NCEH1: variants seen among roughly 807,000 people sequenced by gnomAD.
NCEH1 encodes the protein 2-acetyl MAGE hydrolase.
In NCEH1, 9 loss-of-function variants were observed where a neutral mutation model predicts 25.4. That is an observed-to-expected ratio of 0.35 (90% CI 0.21 to 0.62). NCEH1 has a LOEUF of 0.62. Among genes scored for constraint, NCEH1 ranks in the 20% least tolerant of loss-of-function variants. NCEH1 has a pLI of 0.72. For synonymous variants in NCEH1, 200 were observed against 199.8 expected (o/e 1.00, Z -0.01); for missense variants, 412 against 501.1 (o/e 0.82, Z 1.70).
At chr3:172,678,544 T>C (rs1335332435) in intron 1 of NCEH1, among the ~76,000 whole-genome samples, 1 of 152,242 alleles carries the variant, frequency 6.6e-6, no homozygotes, top group Non-Finnish European at 1.5e-5. Context: ...TTGTTTAATG[T>C]CTAACAAAGT....
intron 1 of NCEH1, among the ~76,000 whole-genome samples, chr3:172,703,399 G>A (rs1040541757): frequency 6.6e-6 from 1 of 151,582 alleles, no homozygotes; most frequent in Non-Finnish European, 1.5e-5. Flanking sequence ...ATCATGGCGG[G>A]GGCCTGTAAT....
At chr3:172,697,833 TCCTTTCCTATAAA>T (rs1713456326) in intron 1 of NCEH1, among the ~76,000 whole-genome samples, 1 of 152,240 alleles carries the variant, frequency 6.6e-6, no homozygotes, top group Non-Finnish European at 1.5e-5. Context: ...AGCCTCTATT[TCCTTTCCTATAAA>T]ATGAGAGCAT....
intron 1 of NCEH1, among the ~76,000 whole-genome samples, chr3:172,653,744 G>GTTTTTTTTTTTT (rs796835886): frequency 8.4e-5 from 8 of 95,674 alleles, no homozygotes; most frequent in African/African-American, 2.1e-4. Flanking sequence ...TGTTTTTTTT[G>GTTTTTTTTTTTT]TTTTTTTGTT....
intron 1 of NCEH1, among the ~76,000 whole-genome samples, chr3:172,704,528 A>G (rs1713872915): frequency 6.6e-6 from 1 of 152,156 alleles, no homozygotes; most frequent in Non-Finnish European, 1.5e-5. Flanking sequence ...AAGCTTCTCA[A>G]GTTTAGGTTT....
chr3:172,665,277 G>T (rs1468443747), intron 1 of NCEH1, among the ~76,000 whole-genome samples: 1 of 152,196 alleles, frequency 6.6e-6, no homozygotes, highest in African/African-American at 2.4e-5. Context: ...GTTTGCCTGG[G>T]TATCACCAGC....
intron 1 of NCEH1, among the ~76,000 whole-genome samples, chr3:172,694,618 G>GA (rs1312102688): frequency 6.6e-6 from 1 of 152,194 alleles, no homozygotes; most frequent in Non-Finnish European, 1.5e-5. Flanking sequence ...TTGAGACTTT[G>GA]AATGGAAAGG....
chr3:172,641,548 T>C (rs1304154642), intron 3 of NCEH1, among the ~76,000 whole-genome samples: 1 of 152,204 alleles, frequency 6.6e-6, no homozygotes, highest in Non-Finnish European at 1.5e-5. Flanking sequence ...AGCAAAGCCA[T>C]GACGCCACTA....
Position 172,633,273 on chromosome 3 carries a change from T to C in NCEH1, c.*202A>G, listed in dbSNP as rs1716446678. The C allele has an allele frequency of 3.4e-6, 2 of 587,638 alleles. No homozygotes were observed. The highest frequency in any genetic ancestry group is 4.4e-5 in the South Asian group (2 of 45,924). The allele number at this position is 587,638 out of a possible 1,614,324, so 36.4% of individuals were successfully genotyped here. ...AGATTGGCCCACTCTGGGAACCAAA[T>C]TTACATGTTTTGCACTTAAGTTAGT... On this transcript the variant is annotated 3_prime_UTR_variant, in exon 5 of 5. Coordinates refer to ENST00000475381, the MANE Select transcript of NCEH1 (RefSeq NM_020792.6).
intron 1 of NCEH1, among the ~76,000 whole-genome samples, chr3:172,709,132 G>C (rs1419222627): frequency 1.3e-5 from 2 of 152,194 alleles, no homozygotes; most frequent in Non-Finnish European, 2.9e-5. Flanking sequence ...ACTCTGTGGA[G>C]GACCTTACAC....
rs147933595 is a variant in NCEH1 at position 172,676,013 on chromosome 3, C to T, written c.139-27899G>A. 2.8e-3 allele frequency among the ~76,000 whole-genome samples: 432 copies of T among 152,268 alleles called. 3 individuals carry two copies. Among genetic ancestry groups the T allele is most frequent in the African/African-American group, 9.5e-3 (395 of 41,540 alleles). On this transcript the variant is annotated intron_variant, in intron 1 of 4. Transcript: ENST00000475381. Reference sequence around the variant, plus strand: ...ATGGACACGCCATTCTTCCAAGAATCCTTAAATCAACCTCAGGAGAAGGCC... The same window carrying T: ...ATGGACACGCCATTCTTCCAAGAATTCTTAAATCAACCTCAGGAGAAGGCC...
chr3:172,659,581 G>A (rs953743201), intron 1 of NCEH1, among the ~76,000 whole-genome samples: 7 of 152,150 alleles, frequency 4.6e-5, no homozygotes, highest in Non-Finnish European at 7.4e-5. Flanking sequence ...AAAAACCTGT[G>A]TCTGCACACA....
At chr3:172,677,048 G>A (rs1294514832) in intron 1 of NCEH1, among the ~76,000 whole-genome samples, 1 of 152,152 alleles carries the variant, frequency 6.6e-6, no homozygotes, top group Non-Finnish European at 1.5e-5. Flanking sequence ...CAGGACAGCA[G>A]CATTTGTTTT....
intron 1 of NCEH1, among the ~76,000 whole-genome samples, chr3:172,657,944 A>C (rs143629630): frequency 7.6e-4 from 116 of 152,296 alleles, no homozygotes; most frequent in African/African-American, 2.7e-3. Flanking sequence ...AGTTTGTCAG[A>C]GGTATGTGAC....
intron 1 of NCEH1, among the ~76,000 whole-genome samples, chr3:172,688,128 A>G (rs1054846449): frequency 6.6e-6 from 1 of 152,070 alleles, no homozygotes; most frequent in African/African-American, 2.4e-5. Context: ...TGAGGTCAGG[A>G]GTTCGTGACC....
chr3:172,644,515 C>CTAT (rs1717024691), intron 3 of NCEH1, among the ~76,000 whole-genome samples: 1 of 152,210 alleles, frequency 6.6e-6, no homozygotes, highest in Admixed American at 6.5e-5. Flanking sequence ...TGGCTTGAAA[C>CTAT]TGGATCAAAA....
intron 1 of NCEH1, among the ~76,000 whole-genome samples, chr3:172,656,529 G>A (rs1226151793): frequency 6.6e-6 from 1 of 152,184 alleles, no homozygotes; most frequent in Non-Finnish European, 1.5e-5. Context: ...CACTTTGGGA[G>A]GCCGAGGCAG....
chr3:172,653,403 A>T (rs1359705439), intron 1 of NCEH1, among the ~76,000 whole-genome samples: 2 of 152,228 alleles, frequency 1.3e-5, no homozygotes, highest in Non-Finnish European at 2.9e-5. Context: ...TCAACATAGA[A>T]ATTATGAAGT....
rs151268993 is a variant in NCEH1 at position 172,678,344 on chromosome 3, C to A, written c.139-30230G>T. Among the ~76,000 whole-genome samples, 27 of 152,306 alleles carry A rather than the reference C, an allele frequency of 1.8e-4. No individual in the cohort carries two copies. The East Asian group carries it at 5.0e-3, about 28-fold the overall frequency. ...CTCCTTGGCCTGAGGCATTACAAGA[C>A]AGGATGGCCTGCCAGTTCCAGAGGC... is the stretch of plus-strand genomic sequence containing the variant. On this transcript the variant is annotated intron_variant, in intron 1 of 4. Transcript: ENST00000475381.
At chr3:172,684,981 C>G (rs1403933761) in intron 1 of NCEH1, among the ~76,000 whole-genome samples, 1 of 145,560 alleles carries the variant, frequency 6.9e-6, no homozygotes, top group South Asian at 2.2e-4. Flanking sequence ...CTCCATCCCC[C>G]ACTCCCATCC....
Sources: allele counts gnomAD v4.1 joint callset (sites outside exome capture counted in the v4.1 genomes callset), GRCh38; gene constraint gnomAD v4.1.1; transcripts MANE v1.5; gene names NCBI Gene and HGNC (gene_info 2026-07-23, HGNC 2026-07-21).